The following RASGRF1 variants were observed in gnomAD, a reference collection of about 807,000 sequenced individuals.
The protein encoded by RASGRF1 is Ras protein specific guanine nucleotide releasing factor 1.
RASGRF1 carries 40 observed loss-of-function variants against 138.7 expected under a neutral mutation model. That is an observed-to-expected ratio of 0.29 (90% CI 0.22 to 0.38). The LOEUF is 0.38. RASGRF1 is among the 10% of genes least tolerant of loss of function. The pLI is 1.00. For missense variants in RASGRF1, 1,108 were observed against 1,650.4 expected (o/e 0.67, Z 5.69); for synonymous variants, 614 against 663.2 (o/e 0.93, Z 1.14).
chr15:78,970,621 C>CAAAA (rs55689628), intron 26 of RASGRF1, among the ~76,000 whole-genome samples: 197 of 57,758 alleles, frequency 3.4e-3, no homozygotes, highest in East Asian at 4.6e-3. Context: ...GACTCTGTCT[C>CAAAA]AAAAAAAAAA....
intron 12 of RASGRF1, among the ~76,000 whole-genome samples, chr15:79,015,935 TG>T (rs2056872432): frequency 6.6e-6 from 1 of 152,140 alleles, no homozygotes; most frequent in African/African-American, 2.4e-5. Context: ...GAAGAGTCCA[TG>T]GGTGTGGGGC....
At chr15:78,987,414 T>G (rs910594220) in intron 22 of RASGRF1, among the ~76,000 whole-genome samples, 1 of 151,832 alleles carries the variant, frequency 6.6e-6, no homozygotes, top group Non-Finnish European at 1.5e-5. Context: ...ACCAAGAAGG[T>G]GGCCGAGTGC....
chr15:79,005,465 G>C (rs947386001), intron 14 of RASGRF1: 30 of 985,314 alleles, frequency 3.0e-5, no homozygotes, highest in South Asian at 4.7e-5. Flanking sequence ...ATCTGGGTAG[G>C]TGGCCTCTCG....
intron 17 of RASGRF1, among the ~76,000 whole-genome samples, chr15:78,999,326 G>T (rs2056465742): frequency 6.6e-6 from 1 of 152,192 alleles, no homozygotes; most frequent in African/African-American, 2.4e-5. Context: ...CTGCAGGATG[G>T]AAGTTTGGGG....
chr15:79,090,343 G>A lies in RASGRF1; in HGVS notation c.156C>T (p.Phe52=), dbSNP rs1428898946. 6.2e-7 allele frequency: 1 copy of A among 1,613,970 alleles called. No homozygotes were observed. Among genetic ancestry groups the A allele is most frequent in the Admixed American group, 1.7e-5 (1 of 60,032 alleles). The change falls in exon 1 of 27, where the codon TTC becomes TTT. Residue 52 remains phenylalanine, a synonymous_variant. Coordinates refer to ENST00000558480, the MANE Select transcript of RASGRF1 (RefSeq NM_001145648.3). ...KWFALLQNLL[F]YFESDSSSRP... ...GCGAGCTCGAGTCGCTCTCGAAGTAGAAGAGCAGGTTCTGCAGCAGCGCGA... is the reference window on the plus strand; with the variant it reads ...GCGAGCTCGAGTCGCTCTCGAAGTAAAAGAGCAGGTTCTGCAGCAGCGCGA...
chr15:79,074,626 C>T (rs2057807844), intron 1 of RASGRF1, among the ~76,000 whole-genome samples: 1 of 152,210 alleles, frequency 6.6e-6, no homozygotes, highest in Admixed American at 6.5e-5. Flanking sequence ...CTCAGAGCCA[C>T]ACCCAGGCCC....
Position 78,998,217 on chromosome 15 carries a change from A to T in RASGRF1, c.2854-9T>A, listed in dbSNP as rs1432054174. 6.2e-7 allele frequency: 1 copy of T among 1,609,754 alleles called. No individual in the cohort carries two copies. Among genetic ancestry groups the T allele is most frequent in the Admixed American group, 1.7e-5 (1 of 60,020 alleles). On this transcript the variant is annotated splice_polypyrimidine_tract_variant and intron_variant, in intron 18 of 26. Coordinates refer to ENST00000558480, the MANE Select transcript of RASGRF1 (RefSeq NM_001145648.3). ...TCGTTGGTCTCAAAGTCCTGCCGGG[A>T]AGGTGTGATGGGTGGCTCTGGTTAC...
chr15:79,046,923 TG>T lies in RASGRF1; in HGVS notation c.700del (p.His234MetfsTer58). 6.2e-7 allele frequency: 1 copy of T among 1,614,146 alleles called. No homozygotes were observed. The highest frequency in any genetic ancestry group is 8.5e-7 in the Non-Finnish European group (1 of 1,180,026). ...GTTCCTCTTGCGCATGCTGTCAGCA[TG>T]GGGTGACCGGATGTAGTCCTGGATG... ...TIIQDYIRSP[H>X]ADSMRKRNQV... On this transcript the variant is annotated frameshift_variant, in exon 5 of 27. Transcript: ENST00000558480. LOFTEE classifies it high-confidence loss of function. The surrounding 1 kb of genome is among the most constrained non-coding windows in gnomAD (Gnocchi z 5.3).
intron 1 of RASGRF1, among the ~76,000 whole-genome samples, chr15:79,066,265 G>C (rs565561175): frequency 8.6e-4 from 131 of 152,310 alleles, no homozygotes; most frequent in African/African-American, 3.0e-3. Flanking sequence ...AGCTCAGAGA[G>C]GTTGAGCTGC....
At chr15:79,083,005 G>A (rs6495367) in intron 1 of RASGRF1, among the ~76,000 whole-genome samples, 64,780 of 151,986 alleles carry the variant, frequency 0.43, 14,061 homozygotes, top group East Asian at 0.5. Flanking sequence ...TCCAAACAGC[G>A]TGTAGTTTAA....
intron 1 of RASGRF1, among the ~76,000 whole-genome samples, chr15:79,083,082 C>T (rs1386024123): frequency 1.3e-5 from 2 of 152,314 alleles, no homozygotes; most frequent in African/African-American, 2.4e-5. Flanking sequence ...GTGGCAGAGC[C>T]GAGACTTAGA....
chr15:79,040,156 T>C (rs186120144), intron 5 of RASGRF1, among the ~76,000 whole-genome samples: 2 of 152,050 alleles, frequency 1.3e-5, no homozygotes, highest in East Asian at 3.9e-4. Context: ...CAGAGCTGCT[T>C]CTCCTCCTTC....
rs149304846 is a variant in RASGRF1 at position 79,078,147 on chromosome 15, G to GTGTGTGTGCATGTGTC, written c.276+12075_276+12076insGACACATGCACACACA. 1.2e-3 allele frequency among the ~76,000 whole-genome samples: 177 copies of GTGTGTGTGCATGTGTC among 149,968 alleles called. 1 individual carries two copies. The highest frequency in any genetic ancestry group is 3.9e-3 in the African/African-American group (159 of 41,264). Reference sequence around the variant, plus strand: ...CAGAGAACCTGGTGTGTGTGTGTGTGTGTGTGCATGCATGTGCGTATGTGT... The same window carrying GTGTGTGTGCATGTGTC: ...CAGAGAACCTGGTGTGTGTGTGTGTGTGTGTGTGCATGTGTCTGTGTGCATGCATGTGCGTATGTGT... On this transcript the variant is annotated intron_variant, in intron 1 of 26. Coordinates refer to ENST00000558480, the MANE Select transcript of RASGRF1 (RefSeq NM_001145648.3).
intron 1 of RASGRF1, among the ~76,000 whole-genome samples, chr15:79,065,952 G>A (rs1266434811): frequency 2.0e-5 from 3 of 151,532 alleles, no homozygotes; most frequent in Admixed American, 6.6e-5. Flanking sequence ...GAGAGAGAGA[G>A]GAGAGAGAGA....
At chr15:79,085,423 T>C (rs2057966713) in intron 1 of RASGRF1, among the ~76,000 whole-genome samples, 2 of 152,172 alleles carry the variant, frequency 1.3e-5, no homozygotes, top group African/African-American at 4.8e-5. Flanking sequence ...CTCCAGGTCA[T>C]GGTTGGGAGT....
chr15:78,995,663 C>T, intron 20 of RASGRF1, 77 bp downstream of exon 20: 3 of 1,508,706 alleles, frequency 2.0e-6, no homozygotes, highest in Non-Finnish European at 2.8e-6. Flanking sequence ...ACGGGTGATG[C>T]CTGTGATGGG....
In RASGRF1 at chr15:78,961,086, T is replaced by G. The variant is rs1032978709; in HGVS notation, c.*1058A>C. ...GTTGTCTGTCTGTTGTAGTGGAGCA[T>G]GCCTGCCACTTCGGAGTTAACCTGT... On this transcript the variant is annotated 3_prime_UTR_variant, in exon 27 of 27. Coordinates refer to ENST00000558480, the MANE Select transcript of RASGRF1 (RefSeq NM_001145648.3). The G allele has an allele frequency of 2.0e-5, 3 of 152,256 alleles. No individual in the cohort carries two copies. The highest frequency in any genetic ancestry group is 7.2e-5 in the African/African-American group (3 of 41,466). 9.4% of individuals were successfully genotyped at this position (152,256 alleles called of 1,614,324 possible). A position where few individuals can be genotyped will look rare whatever the true frequency, so the allele number is the denominator to read the frequency against.
chr15:78,985,002 C>T lies in RASGRF1; in HGVS notation c.3414+5G>A, dbSNP rs746840492. ...GAGGCAGTGGTGCCAGCCTCCTGCC[C>T]GCACCTGCTTAGAGACTTTGAGCCA... On this transcript the variant is annotated splice_donor_5th_base_variant and intron_variant, in intron 23 of 26. Coordinates refer to ENST00000558480, the MANE Select transcript of RASGRF1 (RefSeq NM_001145648.3). The T allele has an allele frequency of 4.2e-5, 68 of 1,613,396 alleles. No individual in the cohort carries two copies. Among genetic ancestry groups the T allele is most frequent in the Non-Finnish European group, 5.0e-5 (59 of 1,179,458 alleles).
intron 20 of RASGRF1, among the ~76,000 whole-genome samples, chr15:78,992,102 G>A (rs1453932954): frequency 6.6e-6 from 1 of 152,268 alleles, no homozygotes; most frequent in African/African-American, 2.4e-5. Context: ...TTCCAGAGGT[G>A]AGCCACTGGC....
Sources: allele counts gnomAD v4.1 joint callset (sites outside exome capture counted in the v4.1 genomes callset), GRCh38; gene constraint gnomAD v4.1.1; non-coding constraint Gnocchi (gnomAD v3.1); transcripts MANE v1.5; gene names NCBI Gene and HGNC (gene_info 2026-07-23, HGNC 2026-07-21).